SYNE1: variants seen among roughly 807,000 people sequenced by gnomAD.
SYNE1 encodes spectrin repeat containing nuclear envelope protein 1, also known as nesprin-1.
A neutral mutation model predicts 1,111.0 loss-of-function variants in SYNE1; 616 were observed. That is an observed-to-expected ratio of 0.55 (90% CI 0.52 to 0.59). The LOEUF is 0.59. Ranked by LOEUF, SYNE1 falls within the 20% of genes least tolerant of loss-of-function variation. SYNE1 has a pLI of 0.00. For synonymous variants in SYNE1, 3,855 were observed against 3,825.8 expected, an observed-to-expected ratio of 1.01 and a Z score of -0.28; for missense variants, 10,006 against 10,417.0, an observed-to-expected ratio of 0.96 and a Z score of 1.72.
In SYNE1 at chr6:152,419,618, G is replaced by A. The variant is rs747339025; in HGVS notation, c.5372C>T (p.Thr1791Ile). ...ATGGTCCATTATGCTAATCTCAGAGGTAGTTTGTAATTCACTGAGAAACAG... is the reference window on the plus strand; with the variant it reads ...ATGGTCCATTATGCTAATCTCAGAGATAGTTTGTAATTCACTGAGAAACAG... Reference protein sequence around the residue: ...IKLFLSELQTTSEISIMDHQV... With the variant: ...IKLFLSELQTISEISIMDHQV... The change falls in exon 40 of 146, where the codon ACC (threonine) becomes ATC (isoleucine). Residue 1791 changes from threonine to isoleucine, a missense_variant. Coordinates refer to ENST00000367255, the MANE Select transcript of SYNE1 (RefSeq NM_182961.4). 10 of 1,613,588 alleles carry A rather than the reference G, an allele frequency of 6.2e-6. No individual in the cohort carries two copies. The South Asian group carries it at 8.8e-5, about 14-fold the overall frequency.
At position 152,329,724 on chromosome 6, in the gene SYNE1, A is replaced by T; in HGVS notation, c.14955+6T>A. 6.2e-7 allele frequency: 1 copy of T among 1,614,152 alleles called. No individual in the cohort carries two copies. Among genetic ancestry groups the T allele is most frequent in the African/African-American group, 1.3e-5 (1 of 75,036 alleles). ...AAAAAGAGAAGTGAAGTCCTATTATACCCACCTGTCTGGTGCGTAAGGCTT... is the reference window on the plus strand; with the variant it reads ...AAAAAGAGAAGTGAAGTCCTATTATTCCCACCTGTCTGGTGCGTAAGGCTT... On this transcript the variant is annotated splice_donor_region_variant and intron_variant, in intron 78 of 145. Coordinates refer to ENST00000367255, the MANE Select transcript of SYNE1 (RefSeq NM_182961.4).
At chr6:152,528,484 C>T (rs2099176424) in intron 4 of SYNE1, among the ~76,000 whole-genome samples, 1 of 152,186 alleles carries the variant, frequency 6.6e-6, no homozygotes. Context: ...GACTACCTCA[C>T]ATTTAATTTT....
At position 152,451,214 on chromosome 6, in the gene SYNE1, C is replaced by T; in HGVS notation, c.3028-9G>A. 6.2e-7 allele frequency: 1 copy of T among 1,613,632 alleles called. No homozygotes were observed. The highest frequency in any genetic ancestry group is 8.5e-7 in the Non-Finnish European group (1 of 1,179,866). On this transcript the variant is annotated splice_polypyrimidine_tract_variant and intron_variant, in intron 25 of 145. Transcript: ENST00000367255. ...GCTTCTCCTTGAAGATCCTACATTC[C>T]ATAGGAAGATTCAGAAAATTAGGAT...
At chr6:152,476,369 CTTT>C (rs1208576315) in intron 14 of SYNE1, among the ~76,000 whole-genome samples, 1 of 152,198 alleles carries the variant, frequency 6.6e-6, no homozygotes, top group African/African-American at 2.4e-5. Flanking sequence ...GACTCTTCTT[CTTT>C]CACGGTATGT....
chr6:152,628,169 T>C, intron 3 of SYNE1, 96 bp downstream of exon 3: 1 of 1,353,142 alleles, frequency 7.4e-7, no homozygotes, highest in African/African-American at 1.4e-5. Context: ...TGGGCTATAA[T>C]TCCATGAAAT....
At chr6:152,571,404 A>G (rs9371609) in intron 3 of SYNE1, among the ~76,000 whole-genome samples, 17,839 of 152,208 alleles carry the variant, frequency 0.12, 1,457 homozygotes, top group East Asian at 0.46. Flanking sequence ...AACAAACAAA[A>G]AATGCCAGCA....
At chr6:152,247,968 A>G (rs1484479990) in intron 105 of SYNE1, among the ~76,000 whole-genome samples, 1 of 151,970 alleles carries the variant, frequency 6.6e-6, no homozygotes, top group Non-Finnish European at 1.5e-5. Flanking sequence ...AGAGAATTCT[A>G]TTAAAACACA....
At chr6:152,233,570 C>T (rs2083282166) in intron 112 of SYNE1, among the ~76,000 whole-genome samples, 1 of 152,122 alleles carries the variant, frequency 6.6e-6, no homozygotes, top group African/African-American at 2.4e-5. Flanking sequence ...GGCAATCCAC[C>T]CTCCTCAGCC....
rs978902380 is a variant in SYNE1, at chr6:152,160,997, T to C, written c.23790+3166A>G. 1.1e-4 allele frequency among the ~76,000 whole-genome samples: 16 copies of C among 151,642 alleles called. 1 individual carries two copies. The highest frequency in any genetic ancestry group is 3.1e-4 in the African/African-American group (13 of 41,314). On this transcript the variant is annotated intron_variant, in intron 131 of 145. Transcript: ENST00000367255. ...TGTGTGTACACATATACGTGTAATC[T>C]TCCACAAAGTAAACAAAAAGATAAA...
chr6:152,380,216 A>T (rs1427469661), intron 56 of SYNE1, among the ~76,000 whole-genome samples: 1 of 152,246 alleles, frequency 6.6e-6, no homozygotes, highest in Non-Finnish European at 1.5e-5. Flanking sequence ...TCTTACTGGC[A>T]GGAGCTATTT....
At chr6:152,482,277 G>T (rs925261918) in intron 14 of SYNE1, among the ~76,000 whole-genome samples, 6 of 152,116 alleles carry the variant, frequency 3.9e-5, no homozygotes, top group Non-Finnish European at 7.4e-5. Flanking sequence ...TTGTAAATTT[G>T]CTTTATGATC....
intron 3 of SYNE1, among the ~76,000 whole-genome samples, chr6:152,624,808 G>A (rs1375992395): frequency 6.6e-6 from 1 of 152,146 alleles, no homozygotes; most frequent in Admixed American, 6.6e-5. Flanking sequence ...GCTAAATTAT[G>A]TAGCAATCTC....
chr6:152,567,835 A>G (rs1369944480), intron 3 of SYNE1, among the ~76,000 whole-genome samples: 1 of 152,228 alleles, frequency 6.6e-6, no homozygotes, highest in African/African-American at 2.4e-5. Flanking sequence ...TGCTTGTCCT[A>G]TCAAATATTA....
chr6:152,289,784 G>A (rs925019733), intron 95 of SYNE1, among the ~76,000 whole-genome samples: 2 of 152,118 alleles, frequency 1.3e-5, no homozygotes, highest in African/African-American at 2.4e-5. Flanking sequence ...CCACCACCAT[G>A]CCTGGCTAAG....
At chr6:152,629,557 G>GGGT (rs2099694203) in intron 2 of SYNE1, among the ~76,000 whole-genome samples, 1 of 125,698 alleles carries the variant, frequency 8.0e-6, no homozygotes, top group African/African-American at 3.0e-5. Context: ...GGAGGAGGGG[G>GGGT]TGCAGTGGGC....
chr6:152,620,577 C>T (rs1197576868), intron 3 of SYNE1, among the ~76,000 whole-genome samples: 1 of 152,082 alleles, frequency 6.6e-6, no homozygotes, highest in Middle Eastern at 3.4e-3. Flanking sequence ...GTGAGAGGAC[C>T]AAGTTTAATT....
In SYNE1 at chr6:152,326,006, C is replaced by G; in HGVS notation, c.15390G>C (p.Leu5130Phe). The change falls in exon 80 of 146, where the codon TTG becomes TTC. Residue 5130 changes from leucine (L) to phenylalanine (F), a missense_variant. Physicochemically the swap from Leu to Phe is conservative, Grantham distance 22. Around this residue, in one of 7 missense-constraint regions of SYNE1, gnomAD observed 4,955 missense variants for 5,017.2 expected, o/e 0.99. Coordinates refer to ENST00000367255, the MANE Select transcript of SYNE1 (RefSeq NM_182961.4). ...CCGCTTCATGACTAGACGAAGTCTT[C>G]AACAAAGAAAACTCAGACAATTTCT... ...TEKKLSEFSL[L>F]KTSSSHEAEE... is the part of the protein sequence containing the mutation. 6.2e-7 allele frequency: 1 copy of G among 1,614,130 alleles called. No individual in the cohort carries two copies. Among genetic ancestry groups the G allele is most frequent in the Non-Finnish European group, 8.5e-7 (1 of 1,180,022 alleles).
intron 16 of SYNE1, among the ~76,000 whole-genome samples, chr6:152,469,781 C>T (rs555790791): frequency 5.2e-4 from 79 of 152,182 alleles, no homozygotes; most frequent in Non-Finnish European, 8.5e-4. Flanking sequence ...CCACCTGGAG[C>T]GTGTGCCGCC....
At chr6:152,364,451 AT>A (rs1463295609) in intron 63 of SYNE1, among the ~76,000 whole-genome samples, 2 of 78,020 alleles carry the variant, frequency 2.6e-5, no homozygotes, top group African/African-American at 1.2e-4. Flanking sequence ...TACATTATGA[AT>A]CTTTTTTTTT....
Sources: gnomAD v4.1 joint callset for allele counts (sites outside exome capture counted in the v4.1 genomes callset) on GRCh38, gnomAD v4.1.1 for gene constraint, gnomAD v4.1.1 regional missense constraint, MANE v1.5 for transcripts, NCBI Gene and HGNC (gene_info 2026-07-23, HGNC 2026-07-21) for gene names.